The following SORL1 variants were observed in gnomAD, a reference collection of about 807,000 sequenced individuals.
SORL1 encodes sortilin related receptor 1.
In SORL1, 127 loss-of-function variants were observed where a neutral mutation model predicts 273.7. The observed-to-expected ratio is 0.46, with a 90% CI of 0.40 to 0.54. The LOEUF (loss-of-function observed/expected upper bound fraction) is 0.54, where lower values mean the gene tolerates loss of function less well. SORL1 is among the 20% of genes least tolerant of loss of function. The probability of loss-of-function intolerance (pLI) is 0.00; values close to 1 mark genes in which losing one functional copy is unlikely to be tolerated. For synonymous variants in SORL1, 1,031 were observed against 1,067.4 expected, an observed-to-expected ratio of 0.97 and a Z score of 0.66; for missense variants, 2,494 against 2,846.1, an observed-to-expected ratio of 0.88 and a Z score of 2.81.
intron 32 of SORL1, among the ~76,000 whole-genome samples, chr11:121,602,971 C>T (rs1321576794): frequency 6.6e-6 from 1 of 152,174 alleles, no homozygotes; most frequent in Non-Finnish European, 1.5e-5. Context: ...TATAATTTCC[C>T]CATTTTCAAA....
At chr11:121,453,920 C>A (rs867313804) in intron 1 of SORL1, among the ~76,000 whole-genome samples, 1 of 152,154 alleles carries the variant, frequency 6.6e-6, no homozygotes, top group Admixed American at 6.5e-5. Flanking sequence ...TAAAATAGAT[C>A]TGGTATAAAG....
intron 41 of SORL1, among the ~76,000 whole-genome samples, chr11:121,617,405 A>C (rs1336584976): frequency 6.6e-6 from 1 of 152,220 alleles, no homozygotes; most frequent in Non-Finnish European, 1.5e-5. Flanking sequence ...GTCACGATAT[A>C]TAGGATTAAA....
intron 25 of SORL1, among the ~76,000 whole-genome samples, chr11:121,577,905 G>A (rs1591335631): frequency 1.3e-5 from 2 of 152,106 alleles, no homozygotes; most frequent in East Asian, 1.9e-4. Flanking sequence ...TGTTGGGTTC[G>A]CTTATGTTCA....
In SORL1 at chr11:121,550,795, A is replaced by G. The variant is rs1352262022; in HGVS notation, c.2266+125A>G. ...GAGAAAAACAATGGCCGTCACAAGCATCACAGGGCTTCCTCTTTTCCCTAA... is the reference window on the plus strand; with the variant it reads ...GAGAAAAACAATGGCCGTCACAAGCGTCACAGGGCTTCCTCTTTTCCCTAA... On this transcript the variant is annotated intron_variant, in intron 16 of 47. Transcript: ENST00000260197. The surrounding 1 kb of genome is among the most constrained non-coding windows in gnomAD (Gnocchi z 5.3). 1 of 697,150 alleles carries G rather than the reference A, an allele frequency of 1.4e-6. No homozygotes were observed. The highest frequency in any genetic ancestry group is 2.4e-6 in the Non-Finnish European group (1 of 417,344). The allele number at this position is 697,150 out of a possible 1,614,324, so 43.2% of individuals were successfully genotyped here.
At chr11:121,567,231 A>G (rs1388084575) in intron 22 of SORL1, 118 bp downstream of exon 22, 9 of 922,114 alleles carry the variant, frequency 9.8e-6, no homozygotes, top group African/African-American at 1.7e-5. Flanking sequence ...GAAAAAGTCC[A>G]AGGTAAAAAT....
chr11:121,556,286 G>T (rs1272693579), intron 18 of SORL1, among the ~76,000 whole-genome samples: 1 of 152,188 alleles, frequency 6.6e-6, no homozygotes, highest in Admixed American at 6.5e-5. Flanking sequence ...TCTGTTGGTG[G>T]TACATGCTGC....
intron 31 of SORL1, among the ~76,000 whole-genome samples, chr11:121,592,283 G>A (rs1863227819): frequency 6.6e-6 from 1 of 152,182 alleles, no homozygotes; most frequent in African/African-American, 2.4e-5. Flanking sequence ...AAGAGACCTT[G>A]ATATATTCAT....
chr11:121,478,780 T>G (rs1861321934), intron 3 of SORL1, among the ~76,000 whole-genome samples: 1 of 146,804 alleles, frequency 6.8e-6, no homozygotes, highest in African/African-American at 2.5e-5. Flanking sequence ...ATGTGCATGC[T>G]TGTGTGCGCG....
In SORL1 at chr11:121,590,116, A is replaced by C; in HGVS notation, c.4155A>C (p.Arg1385Ser). Reference sequence around the variant, plus strand: ...AGAATGGCCACTGCATCCCCAACAGATGGAAATGTGACAGGGAGAACGACT... The same window carrying C: ...AGAATGGCCACTGCATCCCCAACAGCTGGAAATGTGACAGGGAGAACGACT... The part of the protein sequence containing the change: ...RCENGHCIPN[R>S]WKCDRENDCG... The change falls in exon 30 of 48, where the codon AGA becomes AGC. Residue 1385 changes from arginine to serine, a missense_variant. Coordinates refer to ENST00000260197, the MANE Select transcript of SORL1 (RefSeq NM_003105.6). 6.2e-7 allele frequency: 1 copy of C among 1,614,134 alleles called. No individual in the cohort carries two copies. Among genetic ancestry groups the C allele is most frequent in the African/African-American group, 1.3e-5 (1 of 75,044 alleles).
intron 45 of SORL1, among the ~76,000 whole-genome samples, chr11:121,624,691 G>A (rs968544617): frequency 2.2e-4 from 33 of 152,180 alleles, no homozygotes; most frequent in Admixed American, 1.5e-3. Flanking sequence ...AGTCCACTGC[G>A]ACCTGGATTT....
chr11:121,605,489 G>T lies in SORL1; in HGVS notation c.4866G>T (p.Thr1622=), dbSNP rs183510875. 1 of 1,614,084 alleles carries T rather than the reference G, an allele frequency of 6.2e-7. No individual in the cohort carries two copies. The highest frequency in any genetic ancestry group is 1.1e-5 in the South Asian group (1 of 91,080). ...TVLKVLKPDT[T]YQVKVQVQCL... ...TAAAAGTCTTGAAACCAGATACCAC[G>T]TATCAGGTTAAAGTACAGGTTCAGT... Residue 1622 remains threonine (T), a synonymous_variant, in exon 35 of 48, where the codon ACG becomes ACT. Coordinates refer to ENST00000260197, the MANE Select transcript of SORL1 (RefSeq NM_003105.6).
rs1057361148 is a variant in SORL1, at chr11:121,633,456, G to A, written c.*3893G>A. On this transcript the variant is annotated 3_prime_UTR_variant, in exon 48 of 48. Transcript: ENST00000260197. ...TTTAGGCAAAATCAAAAGTATTTGC[G>A]GCAAAATAAAGGCCTATTCTACTCT... 11 of 152,104 alleles carry A rather than the reference G, an allele frequency of 7.2e-5. No homozygotes were observed. Among genetic ancestry groups the A allele is most frequent in the Non-Finnish European group, 1.2e-4 (8 of 68,000 alleles). The allele number at this position is 152,104 out of a possible 1,614,324, so 9.4% of individuals were successfully genotyped here.
chr11:121,570,136 C>G lies in SORL1; in HGVS notation c.3224-21C>G, dbSNP rs749778427. On this transcript the variant is annotated intron_variant, in intron 22 of 47. Coordinates refer to ENST00000260197, the MANE Select transcript of SORL1 (RefSeq NM_003105.6). ...AATAATATTGGTTTCATTTCCTCCC[C>G]TGCCGCACTCTGATGGGTAGAGAAC... is the stretch of plus-strand genomic sequence containing the variant. 5 of 1,548,480 alleles carry G rather than the reference C, an allele frequency of 3.2e-6. No homozygotes were observed. The South Asian group carries it at 5.6e-5, about 17-fold the overall frequency.
At chr11:121,566,424 C>T (rs1363718409) in intron 21 of SORL1, among the ~76,000 whole-genome samples, 2 of 152,024 alleles carry the variant, frequency 1.3e-5, no homozygotes, top group East Asian at 3.9e-4. Context: ...AGGCTGGATT[C>T]GAGCTACCAG....
chr11:121,548,066 C>T (rs1862459740), intron 14 of SORL1, among the ~76,000 whole-genome samples: 1 of 152,138 alleles, frequency 6.6e-6, no homozygotes, highest in African/African-American at 2.4e-5. Flanking sequence ...TGACTGCAAC[C>T]CCTAGTAAAT....
chr11:121,585,352 G>A (rs117807585), intron 26 of SORL1, among the ~76,000 whole-genome samples: 4,252 of 151,972 alleles, frequency 0.028, 165 homozygotes, highest in East Asian at 0.21. Context: ...GCACAGTGGC[G>A]CACGCCTGTG....
At position 121,589,972 on chromosome 11, in the gene SORL1, CT is replaced by C. The variant is rs561360215; in HGVS notation, c.4079-67del. 3,980 of 1,569,898 alleles carry C rather than the reference CT, an allele frequency of 2.5e-3. 23 individuals carry two copies. Among genetic ancestry groups the C allele is most frequent in the Middle Eastern group, 0.016 (96 of 5,842 alleles). On this transcript the variant is annotated intron_variant, in intron 29 of 47. Transcript: ENST00000260197. ...GGAACTTGGGTCTGGAGGAGGATGC[CT>C]AGAGTTGGAGCCCTGTGTTCACACT...
At chr11:121,605,672 C>T (rs1863459081) in intron 35 of SORL1, 101 bp downstream of exon 35, 1 of 927,370 alleles carries the variant, frequency 1.1e-6, no homozygotes, top group South Asian at 1.5e-5. Context: ...CATATGTGTG[C>T]CTCACATGTA....
chr11:121,487,054 C>G (rs1235377525), intron 3 of SORL1, among the ~76,000 whole-genome samples: 1 of 152,212 alleles, frequency 6.6e-6, no homozygotes, highest in Non-Finnish European at 1.5e-5. Context: ...TATTCTTTCC[C>G]TGTGGGAGTC....
Sources: allele counts gnomAD v4.1 joint callset (sites outside exome capture counted in the v4.1 genomes callset), GRCh38; gene constraint gnomAD v4.1.1; non-coding constraint Gnocchi (gnomAD v3.1); transcripts MANE v1.5; gene names NCBI Gene and HGNC (gene_info 2026-07-23, HGNC 2026-07-21).